Variants in PMVK observed in about 807,000 individuals in gnomAD.
PMVK encodes phosphomevalonate kinase.
Under a neutral mutation model 19.0 loss-of-function variants are expected in PMVK, and 10 were observed. The ratio of observed to expected loss-of-function variants is 0.53; its 90% CI spans 0.32 to 0.89. The LOEUF is 0.89. Ranked by LOEUF, PMVK falls within the 40% of genes least tolerant of loss-of-function variation. PMVK has a pLI of 0.03. For missense variants in PMVK, 222 were observed against 251.1 expected (o/e 0.88, Z 0.78); for synonymous variants, 108 against 101.6 (o/e 1.06, Z -0.38).
chr1:154,936,155 C>A (rs1375303546), intron 1 of PMVK, among the ~76,000 whole-genome samples: 1 of 152,174 alleles, frequency 6.6e-6, no homozygotes, highest in Non-Finnish European at 1.5e-5. Context: ...AATCTCGCCT[C>A]ACTGCAACCT....
rs148862572 is a variant in PMVK at position 154,936,659 on chromosome 1, C to A, written c.27G>T (p.Arg9=). 1.2e-6 allele frequency: 2 copies of A among 1,608,310 alleles called. No homozygotes were observed. The highest frequency in any genetic ancestry group is 2.7e-5 in the African/African-American group (2 of 75,008). Residue 9 remains arginine, a synonymous_variant, in exon 1 of 5, where the codon CGG becomes CGT. Transcript: ENST00000368467. MAPLGGAP[R]LVLLFSGKRK... ...TCTTGCCGCTGAACAGCAGTACCAG[C>A]CGCGGGGCGCCTCCCAGCGGGGCCA...
At position 154,935,432 on chromosome 1, in the gene PMVK, G is replaced by T. The variant is rs868628899; in HGVS notation, c.95+1159C>A. ...CTCCTAGCCCAGGTCTCAGCAAAAT[G>T]CTCCTGCACAGAAGATCTTGCTTTG... On this transcript the variant is annotated intron_variant, in intron 1 of 4. Transcript: ENST00000368467. Among the ~76,000 whole-genome samples the T allele has an allele frequency of 3.9e-5, 6 of 152,280 alleles. No homozygotes were observed. In the Middle Eastern group the frequency reaches 0.017, roughly 432 times the overall value.
chr1:154,932,302 C>T, intron 2 of PMVK, 50 bp downstream of exon 2: 1 of 1,351,994 alleles, frequency 7.4e-7, no homozygotes, highest in Non-Finnish European at 1.1e-6. Flanking sequence ...GCTCCAAAGT[C>T]CTGGAGCCGG....
At chr1:154,934,149 G>A (rs1035353836) in intron 1 of PMVK, among the ~76,000 whole-genome samples, 5 of 152,126 alleles carry the variant, frequency 3.3e-5, no homozygotes, top group East Asian at 1.9e-4. Flanking sequence ...ACAGGCCGGC[G>A]CCACCACGTC....
At chr1:154,942,174 C>A in the PMVK span, among the ~76,000 whole-genome samples, 1 of 152,292 alleles carries the variant, frequency 6.6e-6, no homozygotes, top group East Asian at 1.9e-4. Flanking sequence ...GCGGAAAAGG[C>A]AGAAAGCCAA....
upstream of PMVK, among the ~76,000 whole-genome samples, chr1:154,939,944 TTTTTTAA>T (rs2101977731): frequency 6.6e-6 from 1 of 152,090 alleles, no homozygotes; most frequent in Admixed American, 6.5e-5. Flanking sequence ...TTTTTTTTTT[TTTTTTAA>T]TTTTTAGTAG....
chr1:154,936,862 CCAAA>C (rs1654525121), upstream of PMVK: 13 of 605,842 alleles, frequency 2.1e-5, no homozygotes, highest in South Asian at 2.4e-4. Flanking sequence ...CAGCTCATGT[CCAAA>C]CAGATATGGG....
At chr1:154,939,070 A>G (rs1465351267), upstream of PMVK, among the ~76,000 whole-genome samples, 2 of 151,850 alleles carry the variant, frequency 1.3e-5, no homozygotes, top group Non-Finnish European at 2.9e-5. Context: ...CTCCTTTTCT[A>G]CAGAGTTGCT....
Position 154,929,036 on chromosome 1 carries a change from G to A in PMVK, c.300C>T (p.Ser100=), listed in dbSNP as rs972864128. The change falls in exon 3 of 5, where the codon TCC becomes TCT. Residue 100 remains serine (S), a synonymous_variant. Transcript: ENST00000368467. ...GGAGCCCTCTTACCCAGATGGGCTG[G>A]GAGATGCCCTCCACAATCTTCCTGC... ...FFCRKIVEGI[S]QPIWLVSDTR... is the part of the protein sequence containing the mutation. 1 of 1,614,046 alleles carries A rather than the reference G, an allele frequency of 6.2e-7. No individual in the cohort carries two copies. The highest frequency in any genetic ancestry group is 1.7e-5 in the Admixed American group (1 of 60,010).
chr1:154,940,108 T>C (rs1654609341), upstream of PMVK, among the ~76,000 whole-genome samples: 1 of 152,160 alleles, frequency 6.6e-6, no homozygotes, highest in Non-Finnish European at 1.5e-5. Context: ...CATGCCACTA[T>C]TTCTGGACTA....
At chr1:154,933,215 C>T (rs1571383704) in intron 1 of PMVK, among the ~76,000 whole-genome samples, 1 of 152,188 alleles carries the variant, frequency 6.6e-6, no homozygotes, top group South Asian at 2.1e-4. Flanking sequence ...CAGCAGATCA[C>T]CTGAGGTCAG....
chr1:154,925,282 GTGAGGTCAGGCCTCAGCCCTCC>G lies in PMVK; in HGVS notation c.443-39_443-18del. 1 of 1,613,742 alleles carries G rather than the reference GTGAGGTCAGGCCTCAGCCCTCC, an allele frequency of 6.2e-7. No individual in the cohort carries two copies. Among genetic ancestry groups the G allele is most frequent in the Non-Finnish European group, 8.5e-7 (1 of 1,179,676 alleles). On this transcript the variant is annotated intron_variant, in intron 4 of 4. Transcript: ENST00000368467. ...CGTCCACCCCTATGAAGGAAGCATG[GTGAGGTCAGGCCTCAGCCCTCC>G]AGACAGACAGCAGGCATCAAGGCCT... is the stretch of plus-strand genomic sequence containing the variant.
intron 2 of PMVK, among the ~76,000 whole-genome samples, chr1:154,929,749 G>A (rs1654280362): frequency 6.6e-6 from 1 of 152,078 alleles, no homozygotes; most frequent in Non-Finnish European, 1.5e-5. Context: ...CCCAAGGCAG[G>A]AGAGGTTACT....
At chr1:154,926,320 T>C in intron 4 of PMVK, 34 bp downstream of exon 4, 1 of 1,596,542 alleles carries the variant, frequency 6.3e-7, no homozygotes, top group Middle Eastern at 1.9e-4. Context: ...GGGTAGCCTG[T>C]GTCCTCCTGT....
chr1:154,939,250 C>T (rs1654591357), upstream of PMVK, among the ~76,000 whole-genome samples: 1 of 152,190 alleles, frequency 6.6e-6, no homozygotes, highest in African/African-American at 2.4e-5. Flanking sequence ...AACCTGCAAA[C>T]TCACATGCTC....
upstream of PMVK, chr1:154,937,360 C>T (rs922421198): frequency 3.3e-5 from 5 of 152,334 alleles, no homozygotes; most frequent in African/African-American, 1.2e-4. Context: ...TAACCCGAGA[C>T]GTCACTAAGA....
At chr1:154,931,174 G>A (rs1349918275) in intron 2 of PMVK, among the ~76,000 whole-genome samples, 2 of 152,212 alleles carry the variant, frequency 1.3e-5, no homozygotes, top group African/African-American at 4.8e-5. Flanking sequence ...TTCAGCTGGT[G>A]AGAGATGACC....
chr1:154,932,231 G>A (rs1431992605), intron 2 of PMVK, 121 bp downstream of exon 2: 1 of 750,546 alleles, frequency 1.3e-6, no homozygotes, highest in Non-Finnish European at 2.4e-6. Context: ...ACCAAGAGCT[G>A]GCCACCACCC....
At chr1:154,936,313 A>C in intron 1 of PMVK, 1 of 812,038 alleles carries the variant, frequency 1.2e-6, no homozygotes, top group Non-Finnish European at 1.5e-6. Context: ...AACGCCTGGT[A>C]TATAGAAAGT....
Sources: gnomAD v4.1 joint callset for allele counts (sites outside exome capture counted in the v4.1 genomes callset) on GRCh38, gnomAD v4.1.1 for gene constraint, MANE v1.5 for transcripts, NCBI Gene and HGNC (gene_info 2026-07-23, HGNC 2026-07-21) for gene names.